RNF180: variants seen among roughly 807,000 people sequenced by gnomAD.
The protein encoded by RNF180 is ring finger protein 180.
Under a neutral mutation model 59.2 loss-of-function variants are expected in RNF180, and 38 were observed. The ratio of observed to expected loss-of-function variants is 0.64; its 90% confidence interval spans 0.50 to 0.84. RNF180 has a LOEUF of 0.84. RNF180 is among the 40% of genes least tolerant of loss of function. The pLI, the probability that RNF180 is intolerant of heterozygous loss-of-function variation, is 0.00. For synonymous variants in RNF180, 262 were observed against 240.3 expected (o/e 1.09, Z -0.84); for missense variants, 705 against 700.9 (o/e 1.01, Z -0.07).
intron 5 of RNF180, among the ~76,000 whole-genome samples, chr5:64,303,389 G>T (rs1346348912): frequency 6.6e-6 from 1 of 151,656 alleles, no homozygotes; most frequent in Non-Finnish European, 1.5e-5. Flanking sequence ...AAGGCATGTG[G>T]AAAGTCAGGA....
chr5:64,358,644 A>ATT lies in RNF180; in HGVS notation c.1580-10963_1580-10962dup, dbSNP rs200510834. 4.9e-3 allele frequency among the ~76,000 whole-genome samples: 743 copies of ATT among 150,984 alleles called. 11 individuals are homozygous for ATT. Among genetic ancestry groups the ATT allele is most frequent in the African/African-American group, 0.017 (697 of 41,216 alleles). ...GATTTATCAAACCTTTAAGAATTCT[A>ATT]TTTTTTTTTATTATACTTTAAGTTT... On this transcript the variant is annotated intron_variant, in intron 7 of 7. Transcript: ENST00000389100.
intron 7 of RNF180, among the ~76,000 whole-genome samples, chr5:64,347,462 G>T (rs578085044): frequency 3.9e-5 from 6 of 152,090 alleles, no homozygotes; most frequent in Admixed American, 3.3e-4. Flanking sequence ...GGGACTTGAG[G>T]AGTATGTTAA....
At chr5:64,248,249 T>TA (rs1482823668) in intron 5 of RNF180, among the ~76,000 whole-genome samples, 1 of 152,038 alleles carries the variant, frequency 6.6e-6, no homozygotes, top group Non-Finnish European at 1.5e-5. Flanking sequence ...AAAGCCAAAA[T>TA]AGACAAATGG....
intron 5 of RNF180, among the ~76,000 whole-genome samples, chr5:64,263,944 A>G (rs1241050956): frequency 1.3e-5 from 2 of 152,104 alleles, no homozygotes; most frequent in Non-Finnish European, 2.9e-5. Flanking sequence ...AGATTCACCT[A>G]TATTGTTAGT....
intron 5 of RNF180, among the ~76,000 whole-genome samples, chr5:64,265,616 T>A (rs1035834491): frequency 6.6e-6 from 1 of 152,154 alleles, no homozygotes; most frequent in African/African-American, 2.4e-5. Flanking sequence ...ACCATGCTGT[T>A]TTGGTTTCTG....
intron 5 of RNF180, among the ~76,000 whole-genome samples, chr5:64,242,144 C>T (rs777221489): frequency 6.6e-6 from 1 of 152,162 alleles, no homozygotes; most frequent in Non-Finnish European, 1.5e-5. Context: ...GGTTTCAGCC[C>T]TACCCTACTG....
chr5:64,316,025 A>G (rs1450075518), intron 5 of RNF180, among the ~76,000 whole-genome samples: 1 of 152,156 alleles, frequency 6.6e-6, no homozygotes, highest in East Asian at 1.9e-4. Context: ...CCACACCATC[A>G]GTACAATTGC....
At chr5:64,362,410 C>T (rs1350939069) in intron 7 of RNF180, among the ~76,000 whole-genome samples, 1 of 151,748 alleles carries the variant, frequency 6.6e-6, no homozygotes, top group Non-Finnish European at 1.5e-5. Context: ...CCTGCAAAGG[C>T]CATGATCTCA....
chr5:64,305,600 AAC>A (rs56733788), intron 5 of RNF180, among the ~76,000 whole-genome samples: 3,521 of 151,544 alleles, frequency 0.023, 119 homozygotes, highest in African/African-American at 0.074. Flanking sequence ...AACCTCTAAT[AAC>A]AGTTTCCTAA....
intron 5 of RNF180, among the ~76,000 whole-genome samples, chr5:64,297,584 C>G (rs1742952380): frequency 6.6e-6 from 1 of 152,036 alleles, no homozygotes; most frequent in Non-Finnish European, 1.5e-5. Flanking sequence ...ATGATACCAA[C>G]TATAGTCTCA....
chr5:64,240,226 A>G (rs560536727), intron 5 of RNF180, among the ~76,000 whole-genome samples: 62 of 152,312 alleles, frequency 4.1e-4, no homozygotes, highest in African/African-American at 1.4e-3. Context: ...TATATTAAAT[A>G]TAGAAATGCC....
At chr5:64,323,407 GCC>G (rs943296599) in intron 5 of RNF180, among the ~76,000 whole-genome samples, 3 of 152,090 alleles carry the variant, frequency 2.0e-5, no homozygotes, top group Non-Finnish European at 2.9e-5. Flanking sequence ...CGGGCACCAT[GCC>G]GCATGCCTGT....
intron 6 of RNF180, among the ~76,000 whole-genome samples, chr5:64,329,790 A>T (rs1319922868): frequency 6.6e-6 from 1 of 152,190 alleles, no homozygotes; most frequent in Non-Finnish European, 1.5e-5. Context: ...TTGCATGCGC[A>T]GTTCACAATA....
chr5:64,239,186 A>G (rs1229740292), intron 5 of RNF180, among the ~76,000 whole-genome samples: 2 of 152,146 alleles, frequency 1.3e-5, no homozygotes, highest in Non-Finnish European at 2.9e-5. Flanking sequence ...TATAAATAGT[A>G]TACTTCAGGG....
At chr5:64,275,120 TTATG>T (rs1741642667) in intron 5 of RNF180, among the ~76,000 whole-genome samples, 1 of 151,532 alleles carries the variant, frequency 6.6e-6, no homozygotes, top group African/African-American at 2.4e-5. Context: ...TTATAAAAAT[TTATG>T]TTTCTTTAAG....
intron 5 of RNF180, among the ~76,000 whole-genome samples, chr5:64,251,106 CAT>C (rs997290757): frequency 7.2e-5 from 11 of 152,172 alleles, no homozygotes; most frequent in African/African-American, 2.6e-4. Flanking sequence ...ACAGAAAAAA[CAT>C]ATTCTTTTGA....
Position 64,192,903 on chromosome 5 carries a change from G to GTATATATATATATA in RNF180, c.1-7882_1-7869dup, listed in dbSNP as rs70983610. Among the ~76,000 whole-genome samples the GTATATATATATATA allele has an allele frequency of 8.0e-3, 753 of 93,610 alleles. 7 individuals are homozygous for GTATATATATATATA. The highest frequency in any genetic ancestry group is 0.011 in the Middle Eastern group (2 of 186). The allele number at this position is 93,610 out of a possible 152,430, so 61.4% of individuals were successfully genotyped here. On this transcript the variant is annotated intron_variant, in intron 1 of 7. Transcript: ENST00000389100. ...TGAATGCATGCAGAAAGTGTGGCATGTATATATATATATATATATATATAT... is the reference window on the plus strand; with the variant it reads ...TGAATGCATGCAGAAAGTGTGGCATGTATATATATATATATATATATATATATATATATATATAT...
intron 5 of RNF180, among the ~76,000 whole-genome samples, chr5:64,304,625 T>C (rs1743338122): frequency 6.6e-6 from 1 of 151,600 alleles, no homozygotes; most frequent in Non-Finnish European, 1.5e-5. Context: ...CATGATACAA[T>C]TTGAAAAATG....
chr5:64,222,400 C>T (rs1013479020), intron 5 of RNF180, among the ~76,000 whole-genome samples: 1 of 151,944 alleles, frequency 6.6e-6, no homozygotes, highest in Non-Finnish European at 1.5e-5. Context: ...ACTCATCTTA[C>T]AACAAAAGGA....
Sources: gnomAD v4.1 joint callset for allele counts (sites outside exome capture counted in the v4.1 genomes callset) on GRCh38, gnomAD v4.1.1 for gene constraint, MANE v1.5 for transcripts, NCBI Gene and HGNC (gene_info 2026-07-23, HGNC 2026-07-21) for gene names.